ALKBH1: variants seen among roughly 807,000 people sequenced by gnomAD.
ALKBH1 encodes the protein nucleic acid dioxygenase ALKBH1.
ALKBH1 carries 31 observed loss-of-function variants against 36.6 expected under a neutral mutation model. That is an observed-to-expected ratio of 0.85 (90% confidence interval 0.64 to 1.14). ALKBH1 has a LOEUF of 1.14. Among genes scored for constraint, ALKBH1 ranks in the 50% most tolerant of loss-of-function variants. ALKBH1 has a pLI of 0.00. For synonymous variants in ALKBH1, 183 were observed against 186.6 expected, an observed-to-expected ratio of 0.98 and a Z score of 0.16; for missense variants, 490 against 497.3, an observed-to-expected ratio of 0.99 and a Z score of 0.14.
At chr14:77,688,634 C>T (rs1375190992) in intron 3 of ALKBH1, among the ~76,000 whole-genome samples, 2 of 150,080 alleles carry the variant, frequency 1.3e-5, no homozygotes, top group South Asian at 2.1e-4. Flanking sequence ...CTCACTGCAA[C>T]CTCCACCTGC....
chr14:77,684,368 C>CT (rs56038207), intron 3 of ALKBH1, among the ~76,000 whole-genome samples: 6 of 148,856 alleles, frequency 4.0e-5, no homozygotes, highest in South Asian at 2.1e-4. Context: ...TATTCTTTTT[C>CT]TTTTTTTTTT....
intron 3 of ALKBH1, among the ~76,000 whole-genome samples, chr14:77,684,860 G>A (rs1007974676): frequency 6.6e-6 from 1 of 152,086 alleles, no homozygotes; most frequent in Non-Finnish European, 1.5e-5. Flanking sequence ...ATTTTATGAA[G>A]AATCCATACT....
intron 2 of ALKBH1, 123 bp downstream of exon 2, chr14:77,704,246 A>G: frequency 1.3e-6 from 1 of 743,274 alleles, no homozygotes; most frequent in Non-Finnish European, 2.3e-6. Context: ...GAAATGAAAC[A>G]TTTATCTGTT....
intron 3 of ALKBH1, among the ~76,000 whole-genome samples, chr14:77,689,846 TA>T (rs150009509): frequency 1.1e-4 from 17 of 150,018 alleles, no homozygotes; most frequent in East Asian, 1.9e-4. Context: ...TGCACTTAAT[TA>T]AAAAAAAAAT....
intron 3 of ALKBH1, among the ~76,000 whole-genome samples, chr14:77,684,738 G>A (rs1188597508): frequency 6.6e-6 from 1 of 152,006 alleles, no homozygotes; most frequent in Non-Finnish European, 1.5e-5. Context: ...TGTAGAGACG[G>A]GGTCTCTCTA....
chr14:77,707,962 C>T lies in ALKBH1; in HGVS notation c.43G>A (p.Ala15Thr), dbSNP rs751264960. 8.7e-6 allele frequency: 14 copies of T among 1,613,234 alleles called. No individual in the cohort carries two copies. Among genetic ancestry groups the T allele is most frequent in the Non-Finnish European group, 4.2e-6 (5 of 1,179,806 alleles). Residue 15 changes from alanine (A) to threonine (T), a missense_variant, in exon 1 of 6, where the codon GCG becomes ACG. Coordinates refer to ENST00000216489, the MANE Select transcript of ALKBH1 (RefSeq NM_006020.3). ...AAAVGSVATL[A>T]TEPGEDAFRK... ...AAGGCGTCCTCCCCGGGCTCAGTCG[C>T]CAGAGTCGCCACAGAGCCCACGGCC...
rs34921168 is a variant in ALKBH1 at position 77,683,149 on chromosome 14, C to CTT, written c.456-3181_456-3180dup. ...GAGGCATCACACCAAGCTGTAAAGT[C>CTT]TTTTTTTTTTTTTTTTTTTTTTACA... On this transcript the variant is annotated intron_variant, in intron 3 of 5. Coordinates refer to ENST00000216489, the MANE Select transcript of ALKBH1 (RefSeq NM_006020.3). 2,003 of 405,420 alleles carry CTT rather than the reference C, an allele frequency of 4.9e-3. 12 individuals carry two copies. Among genetic ancestry groups the CTT allele is most frequent in the Admixed American group, 7.7e-3 (192 of 25,024 alleles). The allele number at this position is 405,420 out of a possible 1,614,324, so 25.1% of individuals were successfully genotyped here. A position where few individuals can be genotyped will look rare whatever the true frequency, so the allele number is the denominator to read the frequency against.
chr14:77,677,897 C>T (rs1298530841), intron 4 of ALKBH1, among the ~76,000 whole-genome samples: 1 of 151,990 alleles, frequency 6.6e-6, no homozygotes, highest in African/African-American at 2.4e-5. Context: ...AAATAATCAC[C>T]CTTTTGGGCT....
intron 2 of ALKBH1, among the ~76,000 whole-genome samples, chr14:77,698,680 G>C (rs146958386): frequency 2.0e-5 from 3 of 152,360 alleles, no homozygotes; most frequent in Non-Finnish European, 4.4e-5. Context: ...TTGAACTCCA[G>C]ATCTAGTCTA....
In ALKBH1 at chr14:77,673,948, T is replaced by G. The variant is rs1459368685; in HGVS notation, c.1034A>C (p.Gln345Pro). The G allele has an allele frequency of 1.2e-6, 2 of 1,614,244 alleles. No homozygotes were observed. The highest frequency in any genetic ancestry group is 1.1e-5 in the South Asian group (1 of 91,084). The change falls in exon 6 of 6, where the codon CAG becomes CCG. Residue 345 changes from glutamine (Q) to proline (P), a missense_variant. Transcript: ENST00000216489. ...GAAATTCTGGTCTGTGGCCAGGACC[T>G]GTCGGACAGTCATGTTAACACGAGC... ...KTARVNMTVR[Q>P]VLATDQNFPL... is the part of the protein sequence containing the mutation.
At position 77,694,766 on chromosome 14, in the gene ALKBH1, G is replaced by C. The variant is rs767277460; in HGVS notation, c.427C>G (p.Leu143Val). ...KHMSKEETQD[L>V]WEQSKEFLRY... ...AGGAACTCTTTGCTCTGTTCCCACA[G>C]ATCTTGGGTCTCTTCTTTAGACATG... Residue 143 changes from leucine (L) to valine (V), a missense_variant, in exon 3 of 6, where the codon CTG becomes GTG. Coordinates refer to ENST00000216489, the MANE Select transcript of ALKBH1 (RefSeq NM_006020.3). 6.2e-7 allele frequency: 1 copy of C among 1,604,102 alleles called. No homozygotes were observed. The highest frequency in any genetic ancestry group is 1.1e-5 in the South Asian group (1 of 88,062).
intron 1 of ALKBH1, 133 bp from the exon 2 acceptor site, chr14:77,704,610 T>G (rs2080378424): frequency 1.5e-6 from 1 of 686,764 alleles, no homozygotes; most frequent in Non-Finnish European, 2.6e-6. Context: ...AACCTTGCTC[T>G]ATTGCTCAGG....
chr14:77,705,814 G>A (rs1005123834), intron 1 of ALKBH1, among the ~76,000 whole-genome samples: 1 of 152,098 alleles, frequency 6.6e-6, no homozygotes, highest in Non-Finnish European at 1.5e-5. Context: ...CAACACTTTG[G>A]GAAGCCAAGG....
intron 2 of ALKBH1, among the ~76,000 whole-genome samples, chr14:77,698,435 G>A (rs1231919769): frequency 1.3e-5 from 2 of 152,180 alleles, no homozygotes; most frequent in Admixed American, 6.5e-5. Flanking sequence ...TTGTGCCTGA[G>A]GGACTCAGTT....
intron 3 of ALKBH1, among the ~76,000 whole-genome samples, chr14:77,688,876 C>G (rs1169619554): frequency 2.6e-5 from 4 of 152,108 alleles, no homozygotes; most frequent in African/African-American, 9.7e-5. Flanking sequence ...CTGGCCTGAA[C>G]TAAATTCTTA....
At chr14:77,701,148 TA>T (rs909030133) in intron 2 of ALKBH1, among the ~76,000 whole-genome samples, 8 of 149,460 alleles carry the variant, frequency 5.4e-5, no homozygotes, top group African/African-American at 1.2e-4. Context: ...TTCTCCAGAT[TA>T]AAAAAAAAAT....
At chr14:77,675,633 C>T (rs2080200969) in intron 5 of ALKBH1, 23 bp downstream of exon 5, 3 of 1,568,850 alleles carry the variant, frequency 1.9e-6, no homozygotes, top group Non-Finnish European at 1.7e-6. Context: ...AAAAGTAATC[C>T]CAAATCCCTG....
chr14:77,679,317 A>G (rs2080223901), intron 4 of ALKBH1, among the ~76,000 whole-genome samples: 1 of 152,246 alleles, frequency 6.6e-6, no homozygotes, highest in Non-Finnish European at 1.5e-5. Context: ...ATGGAAATAA[A>G]GATGGTGAGA....
intron 4 of ALKBH1, 150 bp from the exon 5 acceptor site, chr14:77,675,999 T>A: frequency 6.5e-6 from 1 of 154,980 alleles, no homozygotes; most frequent in Non-Finnish European, 1.1e-5. Context: ...TTTTCTTTTC[T>A]TTTTTTTTTT....
Sources: allele counts gnomAD v4.1 joint callset (sites outside exome capture counted in the v4.1 genomes callset), GRCh38; gene constraint gnomAD v4.1.1; transcripts MANE v1.5; gene names NCBI Gene and HGNC (gene_info 2026-07-23, HGNC 2026-07-21).